Variants in SHANK2 observed in about 807,000 individuals in gnomAD.
SHANK2 encodes SH3 and multiple ankyrin repeat domains 2, also known as SH3 and multiple ankyrin repeat domains protein 2.
Under a neutral mutation model 133.7 loss-of-function variants are expected in SHANK2, and 43 were observed. The observed-to-expected ratio is 0.32, with a 90% CI of 0.25 to 0.41. The LOEUF is 0.41. SHANK2 is among the 10% of genes least tolerant of loss of function. SHANK2 has a pLI of 1.00. For synonymous variants in SHANK2, 1,017 were observed against 952.8 expected (o/e 1.07, Z -1.24); for missense variants, 1,994 against 2,235.8 (o/e 0.89, Z 2.18).
chr11:71,181,993 C>A (rs1328948745), intron 2 of SHANK2, among the ~76,000 whole-genome samples: 1 of 152,178 alleles, frequency 6.6e-6, no homozygotes, highest in Non-Finnish European at 1.5e-5. Context: ...GTAACCCTGG[C>A]AGGGGGTCCC....
intron 14 of SHANK2, among the ~76,000 whole-genome samples, chr11:70,746,425 C>T (rs546777254): frequency 6.9e-6 from 1 of 145,160 alleles, no homozygotes; most frequent in African/African-American, 2.6e-5. Context: ...TGCTCACAGC[C>T]CCCATCTCCT....
chr11:70,773,296 G>A (rs782340141), intron 14 of SHANK2, among the ~76,000 whole-genome samples: 8 of 152,326 alleles, frequency 5.3e-5, no homozygotes, highest in South Asian at 2.1e-4. Context: ...TGATGAGGCC[G>A]TTCCTGAAGC....
chr11:70,645,466 A>G (rs1373088205), intron 17 of SHANK2, among the ~76,000 whole-genome samples: 1 of 152,220 alleles, frequency 6.6e-6, no homozygotes, highest in African/African-American at 2.4e-5. Flanking sequence ...CACTGTAATC[A>G]GAAGGCTCAT....
chr11:71,180,922 G>A (rs1953541801), intron 2 of SHANK2, among the ~76,000 whole-genome samples: 1 of 151,906 alleles, frequency 6.6e-6, no homozygotes, highest in Non-Finnish European at 1.5e-5. Flanking sequence ...GCTGTCTAGT[G>A]TATTTCTGGC....
At chr11:70,847,373 G>T (rs1259621828) in intron 11 of SHANK2, among the ~76,000 whole-genome samples, 1 of 152,176 alleles carries the variant, frequency 6.6e-6, no homozygotes, top group Non-Finnish European at 1.5e-5. Flanking sequence ...TGGTGACGGG[G>T]TTGGCAGCAG....
chr11:71,086,862 A>T (rs1368462905), intron 8 of SHANK2, among the ~76,000 whole-genome samples: 1 of 152,242 alleles, frequency 6.6e-6, no homozygotes, highest in African/African-American at 2.4e-5. Context: ...AGGGCCCTGC[A>T]GATGAATGAG....
chr11:71,108,036 G>C (rs1951827716), intron 6 of SHANK2, among the ~76,000 whole-genome samples: 1 of 152,230 alleles, frequency 6.6e-6, no homozygotes, highest in Non-Finnish European at 1.5e-5. Context: ...GGCTCTGCCA[G>C]GGTGGTGAGA....
chr11:71,223,113 A>G (rs1469011692), intron 2 of SHANK2, among the ~76,000 whole-genome samples: 2 of 152,182 alleles, frequency 1.3e-5, no homozygotes, highest in Admixed American at 1.3e-4. Context: ...GAACATGGGG[A>G]GGGAGAGAGT....
At chr11:70,867,301 A>G (rs1949380504) in intron 11 of SHANK2, among the ~76,000 whole-genome samples, 1 of 152,168 alleles carries the variant, frequency 6.6e-6, no homozygotes, top group Non-Finnish European at 1.5e-5. Context: ...TAAATCCTGA[A>G]CACAGGGGAG....
At chr11:70,944,604 C>G (rs1417120735) in intron 10 of SHANK2, among the ~76,000 whole-genome samples, 2 of 152,230 alleles carry the variant, frequency 1.3e-5, no homozygotes, top group Non-Finnish European at 2.9e-5. Context: ...TGATTTTTCT[C>G]TCTTGAAACT....
chr11:71,141,405 G>A (rs1447818795), intron 3 of SHANK2, among the ~76,000 whole-genome samples: 1 of 152,114 alleles, frequency 6.6e-6, no homozygotes, highest in Non-Finnish European at 1.5e-5. Flanking sequence ...GGAGGCTGAG[G>A]CAGGAGAATT....
chr11:71,206,173 C>A (rs117652031), intron 2 of SHANK2, among the ~76,000 whole-genome samples: 2,551 of 152,300 alleles, frequency 0.017, 28 homozygotes, highest in Non-Finnish European at 0.019. Context: ...GATGCTAGTG[C>A]AAAGTCTTCT....
chr11:71,078,666 G>C (rs1951252499), intron 8 of SHANK2, among the ~76,000 whole-genome samples: 1 of 152,186 alleles, frequency 6.6e-6, no homozygotes, highest in African/African-American at 2.4e-5. Context: ...GCCCATCAGT[G>C]TGCCACATCA....
chr11:70,556,708 C>T (rs2059836846), intron 17 of SHANK2, among the ~76,000 whole-genome samples: 2 of 151,800 alleles, frequency 1.3e-5, no homozygotes, highest in Admixed American at 1.3e-4. Context: ...TCTCCTGCCT[C>T]AGCCTCCTGA....
chr11:71,153,919 G>A (rs1436199816), intron 2 of SHANK2, among the ~76,000 whole-genome samples: 4 of 152,208 alleles, frequency 2.6e-5, no homozygotes, highest in South Asian at 2.1e-4. Context: ...GTAGTGAGCC[G>A]AGATCGTACC....
chr11:71,204,335 CT>C (rs1350712987), intron 2 of SHANK2, among the ~76,000 whole-genome samples: 4 of 152,240 alleles, frequency 2.6e-5, no homozygotes, highest in Non-Finnish European at 5.9e-5. Context: ...CAGAGGGCCC[CT>C]GCTGGGCTGA....
chr11:70,514,089 C>G (rs2135894051), intron 17 of SHANK2, among the ~76,000 whole-genome samples: 1 of 152,266 alleles, frequency 6.6e-6, no homozygotes, highest in Non-Finnish European at 1.5e-5. Context: ...CAATTCTGCT[C>G]AAAGCCAAAG....
intron 11 of SHANK2, among the ~76,000 whole-genome samples, chr11:70,873,370 C>T (rs1250121553): frequency 6.6e-6 from 1 of 152,216 alleles, no homozygotes; most frequent in Non-Finnish European, 1.5e-5. Context: ...CAGGAGGGCC[C>T]AACGGCCCCA....
intron 17 of SHANK2, among the ~76,000 whole-genome samples, chr11:70,597,261 G>GC (rs1554989774): frequency 1.3e-5 from 2 of 151,964 alleles, no homozygotes; most frequent in African/African-American, 2.4e-5. Flanking sequence ...TCCACCCACT[G>GC]CCCCCCGCCT....
Sources: allele counts gnomAD v4.1 joint callset (sites outside exome capture counted in the v4.1 genomes callset), GRCh38; gene constraint gnomAD v4.1.1; transcripts MANE v1.5; gene names NCBI Gene and HGNC (gene_info 2026-07-23, HGNC 2026-07-21).